Variants in EXOC7 observed in about 807,000 individuals in gnomAD.
EXOC7 encodes the protein exocyst complex component 7.
Under a neutral mutation model 87.6 loss-of-function variants are expected in EXOC7, and 51 were observed. The ratio of observed to expected loss-of-function variants is 0.58; its 90% confidence interval spans 0.46 to 0.73. The LOEUF is 0.73. EXOC7 is among the 30% of genes least tolerant of loss of function. EXOC7 has a pLI of 0.00. For synonymous variants in EXOC7, 327 were observed against 357.1 expected (o/e 0.92, Z 0.95); for missense variants, 744 against 888.4 (o/e 0.84, Z 2.07).
In EXOC7 at chr17:76,082,056, A is replaced by T; in HGVS notation, c.*1592T>A. The T allele has an allele frequency of 6.3e-7, 1 of 1,599,800 alleles. No individual in the cohort carries two copies. The highest frequency in any genetic ancestry group is 8.5e-7 in the Non-Finnish European group (1 of 1,174,138). On this transcript the variant is annotated 3_prime_UTR_variant, in exon 19 of 19. Coordinates refer to ENST00000589210, the MANE Select transcript of EXOC7 (RefSeq NM_001013839.4). ...GGGCCTCATCCTGCTGAAGGTGGGC[A>T]GGGGCTGGGGGGTAAGGAATGAGGC...
rs757637109 is a variant in EXOC7 at position 76,082,616 on chromosome 17, G to C, written c.*1032C>G. ...GCGTGCAAGTCTGACGCAGCCCCTG[G>C]AGAGGCTGCACCCCATGGCAGGCGG... On this transcript the variant is annotated 3_prime_UTR_variant, in exon 19 of 19. Coordinates refer to ENST00000589210, the MANE Select transcript of EXOC7 (RefSeq NM_001013839.4). 6.2e-7 allele frequency: 1 copy of C among 1,613,222 alleles called. No individual in the cohort carries two copies. The highest frequency in any genetic ancestry group is 8.5e-7 in the Non-Finnish European group (1 of 1,179,816).
In EXOC7 at chr17:76,088,485, C is replaced by T; in HGVS notation, c.1278G>A (p.Glu426=). 6.2e-7 allele frequency: 1 copy of T among 1,613,980 alleles called. No homozygotes were observed. The highest frequency in any genetic ancestry group is 8.5e-7 in the Non-Finnish European group (1 of 1,179,962). ...SMETIGAKAL[E]DFADNIKNDP... ...GGACCTTGATGTTGTCTGCGAAGTC[C>T]TCCAGCGCTTTGGCACCGATGGTCT... The change falls in exon 10 of 19, where the codon GAG becomes GAA. Residue 426 remains glutamate (E), a synonymous_variant. Transcript: ENST00000589210.
chr17:76,088,878 C>G lies in EXOC7; in HGVS notation c.1093G>C (p.Ala365Pro), dbSNP rs1381438913. ...LMLEGENIVS[A>P]ARKAIVRHDF... The stretch of plus-strand genomic sequence containing the variant: ...TGTCGCACAATGGCCTTCCGGGCAG[C>G]AGACACGATGTTCTCCCCTTCAAGC... Residue 365 changes from alanine (A) to proline (P), a missense_variant, in exon 9 of 19, where the codon GCT (alanine) becomes CCT (proline). Around this residue, in one of 3 missense-constraint regions of EXOC7, gnomAD observed 512 missense variants for 573.0 expected, o/e 0.89. Transcript: ENST00000589210. 1.2e-6 allele frequency: 2 copies of G among 1,613,736 alleles called. No individual in the cohort carries two copies. The highest frequency in any genetic ancestry group is 1.7e-6 in the Non-Finnish European group (2 of 1,180,020).
At chr17:76,094,256 G>T in intron 6 of EXOC7, 158 bp downstream of exon 6, 1 of 710,920 alleles carries the variant, frequency 1.4e-6, no homozygotes, top group Non-Finnish European at 2.2e-6. Context: ...TCACTGGGTG[G>T]GTAGACACTT....
rs1045231855 is a variant in EXOC7, at chr17:76,088,246, G to A, written c.1300-124C>T. ...AGGACACCTCTCAGGCACAAAGGCTGAGCCAGGCTGGACCAAGGGGGAGAG... is the reference window on the plus strand; with the variant it reads ...AGGACACCTCTCAGGCACAAAGGCTAAGCCAGGCTGGACCAAGGGGGAGAG... On this transcript the variant is annotated intron_variant, in intron 10 of 18. Coordinates refer to ENST00000589210, the MANE Select transcript of EXOC7 (RefSeq NM_001013839.4). 4.1e-5 allele frequency: 46 copies of A among 1,117,436 alleles called. 1 individual carries two copies. In the Middle Eastern group the frequency reaches 6.1e-4, roughly 15 times the overall value. 69.2% of individuals were successfully genotyped at this position (1,117,436 alleles called of 1,614,324 possible).
intron 4 of EXOC7, among the ~76,000 whole-genome samples, chr17:76,100,559 G>A (rs767315341): frequency 1.3e-5 from 2 of 151,846 alleles, no homozygotes; most frequent in African/African-American, 4.8e-5. Flanking sequence ...CTTGAACCTC[G>A]GAGGCAGAGG....
intron 3 of EXOC7, 103 bp from the exon 4 acceptor site, chr17:76,101,479 T>A: frequency 2.0e-6 from 3 of 1,483,324 alleles, no homozygotes; most frequent in Non-Finnish European, 2.7e-6. Flanking sequence ...GACTCCAGGC[T>A]CAAATATATT....
intron 14 of EXOC7, 124 bp downstream of exon 14, chr17:76,085,553 G>A (rs201174280): frequency 5.8e-6 from 9 of 1,541,890 alleles, no homozygotes; most frequent in Admixed American, 5.1e-5. Flanking sequence ...CTGGGGTGGA[G>A]GAGACTGAAG....
chr17:76,085,477 A>G (rs541744837), intron 14 of EXOC7, 68 bp from the exon 15 acceptor site: 23 of 1,535,630 alleles, frequency 1.5e-5, no homozygotes, highest in Non-Finnish European at 1.8e-6. Context: ...GGCTGCGGCA[A>G]TGCCGGGAGG....
chr17:76,086,964 C>CA, intron 12 of EXOC7: 2 of 1,391,484 alleles, frequency 1.4e-6, no homozygotes, highest in Non-Finnish European at 2.0e-6. Context: ...ATGCAAAGTG[C>CA]AAAAAACAGG....
At chr17:76,090,782 G>C (rs999312872) in intron 7 of EXOC7, 54 of 514,612 alleles carry the variant, frequency 1.0e-4, no homozygotes, top group Non-Finnish European at 1.7e-4. Context: ...CCTTTCTAAA[G>C]ATGGGAAGGC....
intron 2 of EXOC7, 45 bp downstream of exon 2, chr17:76,103,316 A>C (rs777920440): frequency 6.5e-7 from 1 of 1,540,722 alleles, no homozygotes; most frequent in South Asian, 1.2e-5. Context: ...GCTCTCCCCC[A>C]GGGTCCGGAG....
chr17:76,085,916 C>G, intron 13 of EXOC7, 119 bp from the exon 14 acceptor site: 1 of 1,523,836 alleles, frequency 6.6e-7, no homozygotes, highest in Non-Finnish European at 8.9e-7. Context: ...GAGGCCTTAG[C>G]CCAACTCCCC....
chr17:76,086,848 G>A (rs986253764), intron 12 of EXOC7: 1 of 1,551,148 alleles, frequency 6.4e-7, no homozygotes, highest in African/African-American at 1.4e-5. Context: ...GAACCGCACT[G>A]CTTACCTCGG....
At chr17:76,091,424 G>A in intron 6 of EXOC7, 189 bp from the exon 7 acceptor site, 1 of 585,214 alleles carries the variant, frequency 1.7e-6, no homozygotes, top group Non-Finnish European at 3.0e-6. Flanking sequence ...TTCTCCAAAT[G>A]GAGCCTTGAT....
Position 76,081,109 on chromosome 17 carries a change from G to T in EXOC7, c.*2539C>A. ...TCAACTGGAGACAATTTGGGATGTT[G>T]CAAAACAAGGTTTGGGAAGCCCTTC... On this transcript the variant is annotated 3_prime_UTR_variant, in exon 19 of 19. Transcript: ENST00000589210. 1.2e-6 allele frequency: 1 copy of T among 845,048 alleles called. No individual in the cohort carries two copies. 52.3% of individuals were successfully genotyped at this position (845,048 alleles called of 1,614,324 possible).
chr17:76,082,086 G>A lies in EXOC7; in HGVS notation c.*1562C>T. The A allele has an allele frequency of 6.4e-7, 1 of 1,561,002 alleles. No homozygotes were observed. Among genetic ancestry groups the A allele is most frequent in the Non-Finnish European group, 8.6e-7 (1 of 1,157,070 alleles). ...CTGGGGGGTAAGGAATGAGGCCTAG[G>A]TGCACACCTAGGGCTGGGGTGAGGG... On this transcript the variant is annotated 3_prime_UTR_variant, in exon 19 of 19. Transcript: ENST00000589210.
intron 4 of EXOC7, among the ~76,000 whole-genome samples, chr17:76,100,841 T>G (rs1483679325): frequency 6.6e-6 from 1 of 151,566 alleles, no homozygotes; most frequent in African/African-American, 2.4e-5. Flanking sequence ...ATTAGCCAGG[T>G]GCGGTGGCGA....
At chr17:76,091,039 C>T (rs1247508681) in intron 7 of EXOC7, 104 bp downstream of exon 7, 2 of 995,478 alleles carry the variant, frequency 2.0e-6, no homozygotes, top group Non-Finnish European at 3.2e-6. Context: ...CCCTGCTCCC[C>T]TCAGGGTTTC....
Sources: gnomAD v4.1 joint callset for allele counts (sites outside exome capture counted in the v4.1 genomes callset) on GRCh38, gnomAD v4.1.1 for gene constraint, gnomAD v4.1.1 regional missense constraint, MANE v1.5 for transcripts, NCBI Gene and HGNC (gene_info 2026-07-23, HGNC 2026-07-21) for gene names.